Variants in PCDH15 observed in about 807,000 individuals in gnomAD.
The protein encoded by PCDH15 is protocadherin-15.
Under a neutral mutation model 178.5 loss-of-function variants are expected in PCDH15, and 129 were observed. The observed-to-expected ratio is 0.72, with a 90% CI of 0.63 to 0.84. PCDH15 has a LOEUF of 0.84. PCDH15 is among the 40% of genes least tolerant of loss of function. PCDH15 has a pLI of 0.00. For synonymous variants in PCDH15, 800 were observed against 732.0 expected (o/e 1.09, Z -1.50); for missense variants, 2,230 against 2,099.9 (o/e 1.06, Z -1.21).
chr10:54,921,712 T>G (rs1336692888), intron 2 of PCDH15, among the ~76,000 whole-genome samples: 4 of 152,198 alleles, frequency 2.6e-5, no homozygotes, highest in African/African-American at 9.6e-5. Context: ...TGTACCACAT[T>G]TTTTTCATTC....
At chr10:55,364,002 G>A (rs1845293098) in intron 2 of PCDH15, among the ~76,000 whole-genome samples, 1 of 152,104 alleles carries the variant, frequency 6.6e-6, no homozygotes, top group African/African-American at 2.4e-5. Flanking sequence ...TGTCAACGGA[G>A]AGATCAGGTG....
In PCDH15 at chr10:55,350,260, TATATATATACAC is replaced by T. The variant is rs1289182602; in HGVS notation, c.-155-183621_-155-183610del. ...ATATATATATATATATATATATATA[TATATATATACAC>T]ACACACACACACACATACATACACA... On this transcript the variant is annotated intron_variant, in intron 2 of 5. Transcript: ENST00000613346. Among the ~76,000 whole-genome samples the T allele has an allele frequency of 3.4e-3, 240 of 71,488 alleles. 1 individual carries two copies. Among genetic ancestry groups the T allele is most frequent in the African/African-American group, 8.8e-3 (147 of 16,622 alleles). The allele number at this position is 71,488 out of a possible 152,430, so 46.9% of individuals were successfully genotyped here.
chr10:54,598,623 A>G (rs1001941190), intron 2 of PCDH15, among the ~76,000 whole-genome samples: 30 of 152,170 alleles, frequency 2.0e-4, no homozygotes, highest in African/African-American at 6.8e-4. Flanking sequence ...AATTCTGACC[A>G]GAGCAATCAG....
At chr10:53,939,016 T>A (rs1306372479) in intron 24 of PCDH15, 61 bp from the exon 25 acceptor site, 2 of 1,538,704 alleles carry the variant, frequency 1.3e-6, no homozygotes, top group Non-Finnish European at 1.8e-6. Context: ...AGAAATTCTC[T>A]TTAAAAGGCA....
intron 2 of PCDH15, among the ~76,000 whole-genome samples, chr10:55,476,569 G>T (rs1282289453): frequency 6.6e-6 from 1 of 151,894 alleles, no homozygotes; most frequent in Admixed American, 6.6e-5. Context: ...CAAAGAAAGA[G>T]CAAAGGACTG....
intron 1 of PCDH15, among the ~76,000 whole-genome samples, chr10:54,706,236 C>T (rs2095363536): frequency 6.6e-6 from 1 of 152,102 alleles, no homozygotes; most frequent in Non-Finnish European, 1.5e-5. Context: ...TTTAAATTAT[C>T]TTTAATATAG....
intron 2 of PCDH15, among the ~76,000 whole-genome samples, chr10:54,643,336 C>G (rs1481751354): frequency 6.6e-6 from 1 of 152,190 alleles, no homozygotes; most frequent in Non-Finnish European, 1.5e-5. Context: ...AACCTCAACT[C>G]TGAAAGGATG....
chr10:54,499,218 T>C (rs879453192), intron 3 of PCDH15, among the ~76,000 whole-genome samples: 2 of 152,074 alleles, frequency 1.3e-5, no homozygotes, highest in Non-Finnish European at 2.9e-5. Flanking sequence ...CATACAATGA[T>C]AATAGGAGAC....
At chr10:54,521,288 A>G (rs1021698656) in intron 3 of PCDH15, among the ~76,000 whole-genome samples, 5 of 152,178 alleles carry the variant, frequency 3.3e-5, no homozygotes, top group Admixed American at 1.3e-4. Context: ...ACTGTTGTCA[A>G]TAAGATCCCT....
intron 21 of PCDH15, among the ~76,000 whole-genome samples, chr10:53,963,654 T>A (rs929302385): frequency 6.6e-6 from 1 of 151,956 alleles, no homozygotes; most frequent in Non-Finnish European, 1.5e-5. Context: ...TGATTTCATC[T>A]CCCAAATTTA....
intron 22 of PCDH15, among the ~76,000 whole-genome samples, chr10:53,960,589 A>T (rs995123074): frequency 2.0e-5 from 3 of 152,234 alleles, no homozygotes; most frequent in African/African-American, 7.2e-5. Context: ...ACTTTAAGAC[A>T]TGTTAAATAC....
At chr10:54,184,687 C>T (rs1451927853) in intron 12 of PCDH15, among the ~76,000 whole-genome samples, 2 of 151,870 alleles carry the variant, frequency 1.3e-5, no homozygotes, top group South Asian at 2.1e-4. Context: ...TACCCCTTCA[C>T]AATTGTGACA....
rs183841154 is a variant in PCDH15, at chr10:54,174,200, C to T, written c.1590+9244G>A. Reference sequence around the variant, plus strand: ...GACATAAATAATACTCATAGAAGGACATTTCACAGGTTTAGGTGAAAGTTG... The same window carrying T: ...GACATAAATAATACTCATAGAAGGATATTTCACAGGTTTAGGTGAAAGTTG... On this transcript the variant is annotated intron_variant, in intron 13 of 37. Coordinates refer to ENST00000644397, the MANE Select transcript of PCDH15 (RefSeq NM_001384140.1). Among the ~76,000 whole-genome samples the T allele has an allele frequency of 2.7e-3, 412 of 152,082 alleles. 2 individuals carry two copies. Among genetic ancestry groups the T allele is most frequent in the African/African-American group, 8.6e-3 (357 of 41,480 alleles).
intron 2 of PCDH15, among the ~76,000 whole-genome samples, chr10:55,438,907 TA>T (rs1329746976): frequency 4.0e-5 from 6 of 151,120 alleles, no homozygotes; most frequent in African/African-American, 9.7e-5. Context: ...TATATTTATT[TA>T]TTTTTTTTGA....
chr10:55,480,534 A>G (rs1840157960), intron 2 of PCDH15, among the ~76,000 whole-genome samples: 1 of 151,472 alleles, frequency 6.6e-6, no homozygotes, highest in African/African-American at 2.4e-5. Context: ...AGTTTTTTTT[A>G]TCATGAAGTG....
intron 1 of PCDH15, among the ~76,000 whole-genome samples, chr10:54,741,279 A>T (rs1591386247): frequency 6.6e-6 from 1 of 151,406 alleles, no homozygotes; most frequent in East Asian, 1.9e-4. Flanking sequence ...AAACTAATAC[A>T]TATAAAAATA....
At chr10:55,551,185 T>A (rs1841996510) in intron 2 of PCDH15, among the ~76,000 whole-genome samples, 4 of 152,024 alleles carry the variant, frequency 2.6e-5, no homozygotes, top group Admixed American at 2.6e-4. Context: ...TCAAAATTTC[T>A]CTCTTTGTCT....
intron 2 of PCDH15, among the ~76,000 whole-genome samples, chr10:55,514,950 T>TCTGA (rs1840974532): frequency 6.6e-6 from 1 of 151,404 alleles, no homozygotes. Flanking sequence ...AGTTTTGGCT[T>TCTGA]CTGAGGCAAA....
chr10:54,165,300 G>T (rs1263419270), intron 13 of PCDH15, among the ~76,000 whole-genome samples: 1 of 151,946 alleles, frequency 6.6e-6, no homozygotes, highest in East Asian at 1.9e-4. Context: ...TATCACTTTG[G>T]TTGTATAATT....
Sources: gnomAD v4.1 joint callset for allele counts (sites outside exome capture counted in the v4.1 genomes callset) on GRCh38, gnomAD v4.1.1 for gene constraint, MANE v1.5 for transcripts, NCBI Gene and HGNC (gene_info 2026-07-23, HGNC 2026-07-21) for gene names.